The following C8orf34 variants were observed in gnomAD, a reference collection of about 807,000 sequenced individuals.
C8orf34 encodes chromosome 8 open reading frame 34.
In C8orf34, 65 loss-of-function variants were observed where a neutral mutation model predicts 68.3. The observed-to-expected ratio is 0.95, with a 90% confidence interval of 0.78 to 1.17. The LOEUF (loss-of-function observed/expected upper bound fraction) is 1.17. C8orf34 is among the 50% of genes most tolerant of loss of function. C8orf34 has a pLI of 0.00. For synonymous variants in C8orf34, 244 were observed against 241.2 expected (o/e 1.01, Z -0.11); for missense variants, 664 against 655.4 (o/e 1.01, Z -0.14).
chr8:68,744,463 G>A lies in C8orf34; in HGVS notation c.1404+23026G>A, dbSNP rs1377375450. Among the ~76,000 whole-genome samples the A allele has an allele frequency of 7.2e-5, 11 of 151,972 alleles. 1 individual carries two copies. In the Middle Eastern group the frequency reaches 0.01, roughly 143 times the overall value. ...GCTATGGGAGGACATTCAAACCAAA[G>A]GCAAAGAAGTTGAAAACTTTGAAAA... On this transcript the variant is annotated intron_variant, in intron 10 of 13. Coordinates refer to ENST00000518698, the MANE Select transcript of C8orf34 (RefSeq NM_052958.4).
At chr8:68,798,129 TTTTA>T (rs556886044) in intron 12 of C8orf34, among the ~76,000 whole-genome samples, 409 of 141,260 alleles carry the variant, frequency 2.9e-3, no homozygotes, top group Non-Finnish European at 4.6e-3. Context: ...TTTTTAAAAA[TTTTA>T]TTTATTTGTT....
At chr8:68,673,571 G>A (rs887856530) in intron 8 of C8orf34, among the ~76,000 whole-genome samples, 1 of 152,144 alleles carries the variant, frequency 6.6e-6, no homozygotes, top group Non-Finnish European at 1.5e-5. Flanking sequence ...CAGAAGAGAA[G>A]ATTGGGAAGG....
intron 8 of C8orf34, among the ~76,000 whole-genome samples, chr8:68,697,754 C>A (rs570902533): frequency 1.3e-5 from 2 of 152,196 alleles, no homozygotes; most frequent in African/African-American, 4.8e-5. Context: ...CAGTTCCCAG[C>A]CCATGGACTG....
intron 8 of C8orf34, among the ~76,000 whole-genome samples, chr8:68,663,558 C>T (rs1819749112): frequency 6.6e-6 from 1 of 152,142 alleles, no homozygotes; most frequent in South Asian, 2.1e-4. Context: ...TTTTCTATCA[C>T]CTTGACATCA....
chr8:68,649,962 G>GA (rs1436742222), intron 8 of C8orf34, among the ~76,000 whole-genome samples: 1 of 150,248 alleles, frequency 6.7e-6, no homozygotes, highest in African/African-American at 2.5e-5. Context: ...AATCTACTCT[G>GA]AAAAAAAGTC....
rs1585689892 is a variant in C8orf34 at position 68,661,486 on chromosome 8, G to C, written c.1241+20975G>C. Reference sequence around the variant, plus strand: ...CATGCAGACACTTGAAGAGTGAATGGAATAGAATTTATTAAGTGAAACGAA... The same window carrying C: ...CATGCAGACACTTGAAGAGTGAATGCAATAGAATTTATTAAGTGAAACGAA... On this transcript the variant is annotated intron_variant, in intron 8 of 13. Coordinates refer to ENST00000518698, the MANE Select transcript of C8orf34 (RefSeq NM_052958.4). Among the ~76,000 whole-genome samples the C allele has an allele frequency of 3.3e-5, 5 of 152,304 alleles. No homozygotes were observed. In the South Asian group the frequency reaches 1.0e-3, roughly 32 times the overall value.
intron 1 of C8orf34, among the ~76,000 whole-genome samples, chr8:68,417,262 T>G (rs1335403533): frequency 6.6e-6 from 1 of 152,204 alleles, no homozygotes; most frequent in African/African-American, 2.4e-5. Context: ...ATACTCTTTT[T>G]AAATTAAATT....
At chr8:68,608,317 G>A (rs946573199) in intron 7 of C8orf34, among the ~76,000 whole-genome samples, 1 of 151,494 alleles carries the variant, frequency 6.6e-6, no homozygotes, top group African/African-American at 2.4e-5. Flanking sequence ...TTCTAGGAGA[G>A]ACAGAGGGTA....
Position 68,695,018 on chromosome 8 carries a change from G to T in C8orf34, c.1242-13976G>T, listed in dbSNP as rs1044506924. On this transcript the variant is annotated intron_variant, in intron 8 of 13. Coordinates refer to ENST00000518698, the MANE Select transcript of C8orf34 (RefSeq NM_052958.4). Reference sequence around the variant, plus strand: ...TCCGAATTTATATTTATTTCGCAGGGTTATGTTAAACACAAAGTTAAACAA... The same window carrying T: ...TCCGAATTTATATTTATTTCGCAGGTTTATGTTAAACACAAAGTTAAACAA... Among the ~76,000 whole-genome samples the T allele has an allele frequency of 1.3e-5, 2 of 151,914 alleles. 1 individual carries two copies. Among genetic ancestry groups the T allele is most frequent in the Non-Finnish European group, 2.9e-5 (2 of 67,962 alleles).
intron 1 of C8orf34, among the ~76,000 whole-genome samples, chr8:68,359,976 T>C (rs963716315): frequency 5.3e-5 from 8 of 152,168 alleles, no homozygotes; most frequent in African/African-American, 1.9e-4. Flanking sequence ...TGAATAGTAT[T>C]TGAAGGACAT....
intron 10 of C8orf34, among the ~76,000 whole-genome samples, chr8:68,752,162 G>A (rs1028019579): frequency 1.3e-5 from 2 of 152,190 alleles, no homozygotes; most frequent in Admixed American, 1.3e-4. Flanking sequence ...ACGTATCTCT[G>A]TTAAACTTGT....
chr8:68,731,428 C>A (rs1185645290), intron 10 of C8orf34, among the ~76,000 whole-genome samples: 1 of 152,014 alleles, frequency 6.6e-6, no homozygotes, highest in Non-Finnish European at 1.5e-5. Context: ...ATTAAAAGAA[C>A]ATTTGGAAAA....
chr8:68,339,489 TAAA>T (rs35604014), intron 1 of C8orf34, among the ~76,000 whole-genome samples: 6 of 151,328 alleles, frequency 4.0e-5, no homozygotes, highest in Admixed American at 3.9e-4. Flanking sequence ...TAAAAACTCT[TAAA>T]AAAAAGTTAA....
intron 7 of C8orf34, among the ~76,000 whole-genome samples, chr8:68,560,090 A>G (rs375830408): frequency 3.0e-4 from 46 of 152,076 alleles, no homozygotes; most frequent in African/African-American, 1.0e-3. Context: ...AATGGTTTGG[A>G]AATCAGTGGA....
At chr8:68,535,993 A>G (rs1554574410) in intron 7 of C8orf34, among the ~76,000 whole-genome samples, 2 of 152,132 alleles carry the variant, frequency 1.3e-5, no homozygotes, top group Non-Finnish European at 2.9e-5. Flanking sequence ...AATGACCACT[A>G]TGAAAAAAAG....
intron 1 of C8orf34, among the ~76,000 whole-genome samples, chr8:68,355,655 G>C (rs1806714351): frequency 6.6e-6 from 1 of 152,124 alleles, no homozygotes; most frequent in Non-Finnish European, 1.5e-5. Context: ...TTAGGTTGTA[G>C]CTCTGGTATC....
chr8:68,483,773 G>C (rs972689650), intron 4 of C8orf34, among the ~76,000 whole-genome samples: 11 of 152,164 alleles, frequency 7.2e-5, no homozygotes. Context: ...AGATAGGTTT[G>C]CTCCACAGTG....
intron 5 of C8orf34, among the ~76,000 whole-genome samples, chr8:68,504,906 T>C (rs550906608): frequency 6.6e-6 from 1 of 152,268 alleles, no homozygotes; most frequent in Non-Finnish European, 1.5e-5. Context: ...CTCAAACTCC[T>C]GACCTCAGGT....
chr8:68,331,436 G>A (rs1011830601), intron 1 of C8orf34, 97 bp downstream of exon 1: 1 of 1,339,176 alleles, frequency 7.5e-7, no homozygotes. Context: ...CCCAGGGAAG[G>A]AGGGCTAGAG....
Sources: gnomAD v4.1 joint callset for allele counts (sites outside exome capture counted in the v4.1 genomes callset) on GRCh38, gnomAD v4.1.1 for gene constraint, MANE v1.5 for transcripts, NCBI Gene and HGNC (gene_info 2026-07-23, HGNC 2026-07-21) for gene names.